The following ARSB variants were observed in gnomAD, a reference collection of about 807,000 sequenced individuals.
The protein encoded by ARSB is arylsulfatase B.
A neutral mutation model predicts 50.9 loss-of-function variants in ARSB; 41 were observed. That is an observed-to-expected ratio of 0.81 (90% CI 0.63 to 1.04). ARSB has a LOEUF of 1.04. Among genes scored for constraint, ARSB ranks in the 50% least tolerant of loss-of-function variants. ARSB has a pLI of 0.00. For missense variants in ARSB, 672 were observed against 693.3 expected, an observed-to-expected ratio of 0.97 and a Z score of 0.35; for synonymous variants, 269 against 284.8, an observed-to-expected ratio of 0.94 and a Z score of 0.56.
intron 6 of ARSB, among the ~76,000 whole-genome samples, chr5:78,788,884 C>A (rs1193006031): frequency 2.6e-5 from 4 of 152,250 alleles, no homozygotes; most frequent in Non-Finnish European, 5.9e-5. Context: ...CCCACCTTGG[C>A]TTCCCAAAGT....
intron 4 of ARSB, among the ~76,000 whole-genome samples, chr5:78,911,097 G>C (rs1208020591): frequency 6.6e-6 from 1 of 152,198 alleles, no homozygotes. Context: ...AAGGGGTATT[G>C]AATCAGTGCA....
At chr5:78,876,172 A>T (rs1003015987) in intron 5 of ARSB, among the ~76,000 whole-genome samples, 2 of 151,876 alleles carry the variant, frequency 1.3e-5, no homozygotes, top group Non-Finnish European at 2.9e-5. Context: ...TATATATATA[A>T]AATTTCGCAA....
intron 6 of ARSB, among the ~76,000 whole-genome samples, chr5:78,839,081 T>C (rs894118180): frequency 6.6e-6 from 1 of 152,308 alleles, no homozygotes; most frequent in Admixed American, 6.5e-5. Context: ...GTTCTTCTTT[T>C]GTAAATGGGG....
chr5:78,801,015 TGAG>T lies in ARSB; in HGVS notation c.1214-19044_1214-19042del, dbSNP rs202156172. On this transcript the variant is annotated intron_variant, in intron 6 of 7. Coordinates refer to ENST00000264914, the MANE Select transcript of ARSB (RefSeq NM_000046.5). Reference sequence around the variant, plus strand: ...GGATAGTTGAGCACCCTGGCTGGCTTGAGGAGGACAAAGTAAGAATTGTTAGGA... The same window carrying T: ...GGATAGTTGAGCACCCTGGCTGGCTTGAGGACAAAGTAAGAATTGTTAGGA... Among the ~76,000 whole-genome samples, 1,165 of 152,260 alleles carry T rather than the reference TGAG, an allele frequency of 7.7e-3. 15 individuals carry two copies. The highest frequency in any genetic ancestry group is 0.021 in the African/African-American group (885 of 41,540).
chr5:78,813,414 C>T (rs1743885014), intron 6 of ARSB, among the ~76,000 whole-genome samples: 1 of 152,164 alleles, frequency 6.6e-6, no homozygotes, highest in Non-Finnish European at 1.5e-5. Context: ...ACAAATTAAA[C>T]ATGAGATATA....
At chr5:78,915,291 T>A (rs1401177925) in intron 4 of ARSB, among the ~76,000 whole-genome samples, 1 of 152,210 alleles carries the variant, frequency 6.6e-6, no homozygotes, top group African/African-American at 2.4e-5. Flanking sequence ...CCTTGGCTTT[T>A]TTTTTTTCTT....
rs1469298938 is a variant in ARSB at position 78,780,318 on chromosome 5, T to C, written c.*79A>G. The C allele has an allele frequency of 1.9e-6, 3 of 1,602,246 alleles. No individual in the cohort carries two copies. The highest frequency in any genetic ancestry group is 2.2e-5 in the East Asian group (1 of 44,802). On this transcript the variant is annotated 3_prime_UTR_variant, in exon 8 of 8. Coordinates refer to ENST00000264914, the MANE Select transcript of ARSB (RefSeq NM_000046.5). ...AGGGCCAAGTGAACCCAGGTTGGGA[T>C]AACAAATGAGACAAGAGTCGTGAGA...
intron 4 of ARSB, among the ~76,000 whole-genome samples, chr5:78,904,737 G>A (rs1249505566): frequency 1.4e-5 from 2 of 139,554 alleles, no homozygotes; most frequent in Non-Finnish European, 3.0e-5. Flanking sequence ...GCCCAGGCTG[G>A]AATGCAGTGG....
chr5:78,924,672 T>C (rs569078086), intron 4 of ARSB, among the ~76,000 whole-genome samples: 19 of 152,232 alleles, frequency 1.2e-4, no homozygotes, highest in Non-Finnish European at 2.5e-4. Flanking sequence ...TGATATAAAG[T>C]CCTCATGTAT....
intron 4 of ARSB, among the ~76,000 whole-genome samples, chr5:78,926,762 A>G (rs1750072734): frequency 6.6e-6 from 1 of 152,236 alleles, no homozygotes. Context: ...AGAGGTATGA[A>G]TTACTGCAAT....
intron 6 of ARSB, among the ~76,000 whole-genome samples, chr5:78,784,957 C>A (rs532482732): frequency 8.5e-5 from 13 of 152,096 alleles, no homozygotes; most frequent in African/African-American, 2.6e-4. Flanking sequence ...TGCCACCATG[C>A]CCAGCTAATT....
At chr5:78,972,962 C>T (rs549615455) in intron 1 of ARSB, among the ~76,000 whole-genome samples, 66 of 152,222 alleles carry the variant, frequency 4.3e-4, no homozygotes, top group Non-Finnish European at 7.8e-4. Context: ...AGAAGCCAAA[C>T]CCTGGATGAC....
At chr5:78,943,109 C>G (rs1044071449) in intron 4 of ARSB, among the ~76,000 whole-genome samples, 2 of 152,020 alleles carry the variant, frequency 1.3e-5, no homozygotes, top group Non-Finnish European at 2.9e-5. Flanking sequence ...CAATCCCTGC[C>G]TTTTTTTGTT....
At chr5:78,966,927 A>C (rs12109560) in intron 2 of ARSB, among the ~76,000 whole-genome samples, 1 of 6,096 alleles carries the variant, frequency 1.6e-4, no homozygotes, top group East Asian at 1.0e-3. Flanking sequence ...GGGTCCATTT[A>C]AAAAAAAAAA....
At chr5:78,866,952 T>A (rs1462089726) in intron 5 of ARSB, among the ~76,000 whole-genome samples, 1 of 152,122 alleles carries the variant, frequency 6.6e-6, no homozygotes, top group Admixed American at 6.5e-5. Context: ...CGCAGGCCAG[T>A]GGGTGCGCAC....
At chr5:78,799,541 C>T (rs994536425) in intron 6 of ARSB, among the ~76,000 whole-genome samples, 5 of 152,196 alleles carry the variant, frequency 3.3e-5, no homozygotes, top group Non-Finnish European at 5.9e-5. Context: ...CTGGTGCTCA[C>T]CTACTCACAT....
intron 5 of ARSB, among the ~76,000 whole-genome samples, chr5:78,861,271 C>T (rs1371777197): frequency 6.6e-6 from 1 of 152,158 alleles, no homozygotes; most frequent in Admixed American, 6.5e-5. Context: ...ATGAGGCCAG[C>T]ATCATCCTGA....
intron 4 of ARSB, among the ~76,000 whole-genome samples, chr5:78,911,049 T>C (rs1749285270): frequency 6.6e-6 from 1 of 152,158 alleles, no homozygotes; most frequent in African/African-American, 2.4e-5. Flanking sequence ...GTGTCAAGTG[T>C]GGTTGAATGG....
At chr5:78,939,329 G>A (rs1463718216) in intron 4 of ARSB, among the ~76,000 whole-genome samples, 2 of 150,410 alleles carry the variant, frequency 1.3e-5, no homozygotes, top group Non-Finnish European at 3.0e-5. Context: ...TGTGCATAAC[G>A]TGCAGGTTTG....
Sources: allele counts gnomAD v4.1 joint callset (sites outside exome capture counted in the v4.1 genomes callset), GRCh38; gene constraint gnomAD v4.1.1; transcripts MANE v1.5; gene names NCBI Gene and HGNC (gene_info 2026-07-23, HGNC 2026-07-21).